CTTNBP2: variants seen among roughly 807,000 people sequenced by gnomAD.
CTTNBP2 encodes the protein cortactin binding protein 2.
CTTNBP2 carries 108 observed loss-of-function variants against 156.9 expected under a neutral mutation model. The ratio of observed to expected loss-of-function variants is 0.69; its 90% CI spans 0.59 to 0.81. The LOEUF is 0.81. Ranked by LOEUF, CTTNBP2 falls within the 30% of genes least tolerant of loss-of-function variation. The pLI is 0.00. For missense variants in CTTNBP2, 1,924 were observed against 2,035.4 expected, an observed-to-expected ratio of 0.95 and a Z score of 1.05; for synonymous variants, 767 against 751.8, an observed-to-expected ratio of 1.02 and a Z score of -0.33.
At chr7:117,837,730 C>G (rs372406453) in intron 2 of CTTNBP2, among the ~76,000 whole-genome samples, 18 of 152,174 alleles carry the variant, frequency 1.2e-4, no homozygotes, top group African/African-American at 4.1e-4. Flanking sequence ...GTGATCCATC[C>G]CATGAGGCCA....
chr7:117,841,813 G>C (rs1802294936), intron 2 of CTTNBP2, among the ~76,000 whole-genome samples: 1 of 152,174 alleles, frequency 6.6e-6, no homozygotes, highest in Non-Finnish European at 1.5e-5. Context: ...GCTGAAAAAT[G>C]ATGAGGTACT....
intron 1 of CTTNBP2, among the ~76,000 whole-genome samples, chr7:117,870,128 C>A (rs1312061494): frequency 6.6e-6 from 1 of 152,182 alleles, no homozygotes; most frequent in Non-Finnish European, 1.5e-5. Flanking sequence ...AATGCAAAAT[C>A]ATTTTTGCCT....
intron 2 of CTTNBP2, among the ~76,000 whole-genome samples, chr7:117,824,538 G>T (rs1801165182): frequency 6.6e-6 from 1 of 152,116 alleles, no homozygotes; most frequent in Non-Finnish European, 1.5e-5. Flanking sequence ...TAATTCTGCT[G>T]ATATACTTTA....
At chr7:117,715,128 A>AAGTT (rs1418645474) in intron 22 of CTTNBP2, among the ~76,000 whole-genome samples, 1 of 152,158 alleles carries the variant, frequency 6.6e-6, no homozygotes, top group Non-Finnish European at 1.5e-5. Context: ...CTAGATGGGA[A>AAGTT]AGTTAGGGGC....
At chr7:117,840,476 A>T (rs1030958132) in intron 2 of CTTNBP2, among the ~76,000 whole-genome samples, 1 of 152,158 alleles carries the variant, frequency 6.6e-6, no homozygotes, top group Non-Finnish European at 1.5e-5. Flanking sequence ...CAATTCAGCC[A>T]TGTTTGCGCC....
rs1454525244 is a variant in CTTNBP2, at chr7:117,724,637, C to T, written c.4357G>A (p.Gly1453Ser). 6.2e-7 allele frequency: 1 copy of T among 1,614,088 alleles called. No homozygotes were observed. ...NTCNKKKGESGAWRKVNTSPR... is the reference protein window; with the variant it reads ...NTCNKKKGESSAWRKVNTSPR... ...CTGGTGTTCACCTTTCTCCAGGCAC[C>T]ACTCTCTCCTTTCTTCTTGTTACAA... The change falls in exon 19 of 23, where the codon GGT becomes AGT. Residue 1453 changes from glycine to serine, a missense_variant. Gly to Ser is a moderately conservative substitution (Grantham distance 56, BLOSUM62 0). Transcript: ENST00000160373.
intron 9 of CTTNBP2, among the ~76,000 whole-genome samples, chr7:117,762,241 C>T (rs1483872238): frequency 6.6e-6 from 1 of 152,210 alleles, no homozygotes; most frequent in Non-Finnish European, 1.5e-5. Flanking sequence ...ACCCAGCTCT[C>T]ACTCGTCTCA....
chr7:117,724,084 A>G (rs1323714611), intron 19 of CTTNBP2, among the ~76,000 whole-genome samples: 1 of 152,094 alleles, frequency 6.6e-6, no homozygotes, highest in Non-Finnish European at 1.5e-5. Flanking sequence ...AAAACCCAGC[A>G]CATGGTACAC....
rs551807488 is a variant in CTTNBP2 at position 117,867,886 on chromosome 7, G to A, written c.81+5449C>T. ...GACAAGAAACTCAGTGTATTGAAAGGAGGTAATACTGACAAGGAAACAATG... is the reference window on the plus strand; with the variant it reads ...GACAAGAAACTCAGTGTATTGAAAGAAGGTAATACTGACAAGGAAACAATG... On this transcript the variant is annotated intron_variant, in intron 1 of 22. Coordinates refer to ENST00000160373, the MANE Select transcript of CTTNBP2 (RefSeq NM_033427.3). 7.9e-5 allele frequency among the ~76,000 whole-genome samples: 12 copies of A among 152,296 alleles called. No individual in the cohort carries two copies. In the South Asian group the frequency reaches 2.5e-3, roughly 32 times the overall value.
intron 2 of CTTNBP2, among the ~76,000 whole-genome samples, chr7:117,851,291 A>G (rs1802915345): frequency 6.6e-6 from 1 of 152,034 alleles, no homozygotes; most frequent in Non-Finnish European, 1.5e-5. Flanking sequence ...AGAAGAGAGG[A>G]AATAAAGGAA....
rs375547187 is a variant in CTTNBP2 at position 117,791,812 on chromosome 7, T to A, written c.1384A>T (p.Asn462Tyr). Reference sequence around the variant, plus strand: ...GGAGGACTTTGGGTAGTATTTCCATTTTGGTCTGGGTCGTTAGCATTGCCC... The same window carrying A: ...GGAGGACTTTGGGTAGTATTTCCATATTGGTCTGGGTCGTTAGCATTGCCC... The part of the protein sequence containing the change: ...FQGNANDPDQ[N>Y]GNTTQSPPSR... The change falls in exon 4 of 23, where the codon AAT becomes TAT. Residue 462 changes from asparagine (N) to tyrosine (Y), a missense_variant. By Grantham distance (143) the Asn-to-Tyr change is moderately radical. Transcript: ENST00000160373. 5 of 1,614,150 alleles carry A rather than the reference T, an allele frequency of 3.1e-6. No homozygotes were observed. Among genetic ancestry groups the A allele is most frequent in the Non-Finnish European group, 4.2e-6 (5 of 1,180,040 alleles).
chr7:117,784,749 G>A lies in CTTNBP2; in HGVS notation c.2069-295C>T, dbSNP rs114572133. Among the ~76,000 whole-genome samples, 304 of 152,168 alleles carry A rather than the reference G, an allele frequency of 2.0e-3. 1 individual carries two copies. Among genetic ancestry groups the A allele is most frequent in the African/African-American group, 7.0e-3 (290 of 41,528 alleles). ...GACTGGTTTTAGGAAAACTTAAGAT[G>A]GCTGTCTCATTTTAAAAGTTCAAAT... is the stretch of plus-strand genomic sequence containing the variant. On this transcript the variant is annotated intron_variant, in intron 4 of 22. Transcript: ENST00000160373.
chr7:117,792,394 G>C lies in CTTNBP2; in HGVS notation c.802C>G (p.Gln268Glu). ...TTGCTGTCACTTCCCCTTTTCAGTT[G>C]CTCAATCATTTTCCTCATCTTGTCT... is the stretch of plus-strand genomic sequence containing the variant. ...EIDKMRKMIE[Q>E]LKRGSDSKPS... The change falls in exon 4 of 23, where the codon CAA becomes GAA. Residue 268 changes from glutamine (Q) to glutamate (E), a missense_variant. Coordinates refer to ENST00000160373, the MANE Select transcript of CTTNBP2 (RefSeq NM_033427.3). This position sits in a 1 kb window ranked among gnomAD's most constrained non-coding sequence, Gnocchi z 4.2. 6.2e-7 allele frequency: 1 copy of C among 1,614,130 alleles called. No homozygotes were observed. Among genetic ancestry groups the C allele is most frequent in the African/African-American group, 1.3e-5 (1 of 75,016 alleles).
intron 2 of CTTNBP2, among the ~76,000 whole-genome samples, chr7:117,851,906 G>A (rs1437448629): frequency 3.9e-5 from 6 of 152,006 alleles, no homozygotes; most frequent in South Asian, 2.1e-4. Context: ...AGGCACTCAC[G>A]GAAAGAGACT....
rs1386581820 is a variant in CTTNBP2, at chr7:117,861,335, T to A, written c.82-19A>T. The A allele has an allele frequency of 1.0e-5, 16 of 1,549,620 alleles. No individual in the cohort carries two copies. The highest frequency in any genetic ancestry group is 2.3e-5 in the East Asian group (1 of 44,268). ...CTTTTTTCTGTAACACATAAAAAAA[T>A]AAGGCCATGAAAAATCTTTTCCTAA... On this transcript the variant is annotated intron_variant, in intron 1 of 22. Coordinates refer to ENST00000160373, the MANE Select transcript of CTTNBP2 (RefSeq NM_033427.3).
intron 3 of CTTNBP2, among the ~76,000 whole-genome samples, chr7:117,805,375 G>A (rs560479488): frequency 6.6e-6 from 1 of 152,264 alleles, no homozygotes; most frequent in East Asian, 1.9e-4. Context: ...ACCACCGAGT[G>A]GCTATAGGAA....
chr7:117,817,361 A>ATATATATATATATATATATAT (rs1298639361), intron 2 of CTTNBP2, among the ~76,000 whole-genome samples: 1,844 of 53,028 alleles, frequency 0.035, 294 homozygotes, highest in Middle Eastern at 0.05. Flanking sequence ...AAAAAAAAAA[A>ATATATATATATATATATATAT]ATATATATAT....
intron 1 of CTTNBP2, among the ~76,000 whole-genome samples, chr7:117,869,291 C>T (rs1374576341): frequency 6.6e-6 from 1 of 152,048 alleles, no homozygotes; most frequent in Non-Finnish European, 1.5e-5. Flanking sequence ...AGTCACAGGC[C>T]AATAATTTCA....
chr7:117,725,781 G>A (rs1199726319), intron 17 of CTTNBP2, among the ~76,000 whole-genome samples: 1 of 152,050 alleles, frequency 6.6e-6, no homozygotes, highest in East Asian at 1.9e-4. Flanking sequence ...TCTGCCTCTT[G>A]GGTTCAAGTG....
Sources: gnomAD v4.1 joint callset for allele counts (sites outside exome capture counted in the v4.1 genomes callset) on GRCh38, gnomAD v4.1.1 for gene constraint, Gnocchi (gnomAD v3.1) non-coding constraint, MANE v1.5 for transcripts, NCBI Gene and HGNC (gene_info 2026-07-23, HGNC 2026-07-21) for gene names.